The following FHIT variants were observed in gnomAD, a reference collection of about 807,000 sequenced individuals.
FHIT encodes bis(5'-adenosyl)-triphosphatase.
In FHIT, 19 loss-of-function variants were observed where a neutral mutation model predicts 17.9. The observed-to-expected ratio is 1.06, with a 90% CI of 0.74 to 1.56. FHIT has a LOEUF of 1.56. Ranked by LOEUF, FHIT falls within the 40% of genes most tolerant of loss-of-function variation. The pLI is 0.00. For synonymous variants in FHIT, 81 were observed against 69.7 expected, an observed-to-expected ratio of 1.16 and a Z score of -0.81; for missense variants, 248 against 189.2, an observed-to-expected ratio of 1.31 and a Z score of -1.82.
chr3:60,403,593 C>T (rs957100758), intron 5 of FHIT, among the ~76,000 whole-genome samples: 6 of 152,136 alleles, frequency 3.9e-5, no homozygotes, highest in African/African-American at 9.7e-5. Flanking sequence ...TCTGACCTAC[C>T]TTGCTTAATT....
chr3:59,861,135 A>G (rs1008197875), intron 8 of FHIT, among the ~76,000 whole-genome samples: 5 of 152,124 alleles, frequency 3.3e-5, no homozygotes, highest in African/African-American at 1.2e-4. Flanking sequence ...GCACAAGCAC[A>G]TAGAGATGAG....
chr3:59,986,540 T>TATATACACACACAC (rs1473518719), intron 7 of FHIT, among the ~76,000 whole-genome samples: 10 of 12,448 alleles, frequency 8.0e-4, no homozygotes, highest in Middle Eastern at 0.026. Flanking sequence ...TATATATATA[T>TATATACACACACAC]ACACACACAC....
intron 5 of FHIT, among the ~76,000 whole-genome samples, chr3:60,533,416 C>T (rs1460697181): frequency 2.0e-5 from 3 of 152,260 alleles, no homozygotes; most frequent in East Asian, 3.9e-4. Flanking sequence ...GAGCAGGTCT[C>T]GTCCATAGGA....
intron 5 of FHIT, among the ~76,000 whole-genome samples, chr3:60,246,441 G>A (rs980521776): frequency 4.6e-5 from 7 of 152,006 alleles, no homozygotes; most frequent in South Asian, 4.1e-4. Context: ...CTTAACATTC[G>A]TATCAAATGT....
chr3:60,764,506 T>G (rs782590859), intron 4 of FHIT, among the ~76,000 whole-genome samples: 34 of 152,120 alleles, frequency 2.2e-4, no homozygotes, highest in Non-Finnish European at 4.7e-4. Context: ...TATTAAGCAG[T>G]GGCAATGTAA....
intron 5 of FHIT, among the ~76,000 whole-genome samples, chr3:60,020,625 C>T (rs1395170376): frequency 1.4e-4 from 21 of 152,246 alleles, no homozygotes; most frequent in Admixed American, 6.5e-5. Flanking sequence ...TAGTGATAAG[C>T]AAGGAACATT....
intron 4 of FHIT, among the ~76,000 whole-genome samples, chr3:60,733,720 G>A (rs1438721011): frequency 6.6e-6 from 1 of 152,096 alleles, no homozygotes; most frequent in Non-Finnish European, 1.5e-5. Context: ...CCATTGGTGA[G>A]CCCTTTATCT....
At chr3:60,678,033 T>C (rs1345230936) in intron 4 of FHIT, among the ~76,000 whole-genome samples, 1 of 152,164 alleles carries the variant, frequency 6.6e-6, no homozygotes, top group Admixed American at 6.5e-5. Context: ...ATTTCTGACT[T>C]TTATTTGGAT....
chr3:60,475,956 T>C (rs2033323897), intron 5 of FHIT, among the ~76,000 whole-genome samples: 1 of 152,210 alleles, frequency 6.6e-6, no homozygotes, highest in Non-Finnish European at 1.5e-5. Flanking sequence ...TTGTGTATTA[T>C]GTGGGAAATA....
At chr3:60,864,741 A>G (rs78011091) in intron 3 of FHIT, among the ~76,000 whole-genome samples, 3,312 of 152,270 alleles carry the variant, frequency 0.022, 129 homozygotes, top group African/African-American at 0.076. Flanking sequence ...TCAGCAACTC[A>G]CATATCATTT....
chr3:59,894,415 T>A (rs796613774), intron 8 of FHIT, among the ~76,000 whole-genome samples: 27 of 152,306 alleles, frequency 1.8e-4, no homozygotes, highest in African/African-American at 6.3e-4. Flanking sequence ...TCATAAACAT[T>A]AGCATCATAA....
chr3:60,117,494 T>TGAAAAAA (rs1378538733), intron 5 of FHIT, among the ~76,000 whole-genome samples: 2 of 86,802 alleles, frequency 2.3e-5, no homozygotes, highest in Admixed American at 2.6e-4. Context: ...ACTTCCTATC[T>TGAAAAAA]AAAAAAAAAA....
intron 5 of FHIT, among the ~76,000 whole-genome samples, chr3:60,237,231 A>G (rs771215966): frequency 1.3e-5 from 2 of 151,866 alleles, no homozygotes; most frequent in East Asian, 1.9e-4. Context: ...TATCCTTAAA[A>G]ATTGTGAATA....
intron 5 of FHIT, among the ~76,000 whole-genome samples, chr3:60,044,584 T>TC (rs1701574666): frequency 6.7e-6 from 1 of 149,550 alleles, no homozygotes; most frequent in African/African-American, 2.5e-5. Flanking sequence ...ACAACAATGA[T>TC]ATCATGGTAA....
At position 61,067,001 on chromosome 3, in the gene FHIT, G is replaced by T. The variant is rs543108330; in HGVS notation, c.-163-24902C>A. ...TGCCTGTAGTGCTGTTACTTCCCCG[G>T]CTATGCTTGTGCGTGGGCTGGGAAG... On this transcript the variant is annotated intron_variant, in intron 2 of 9. Transcript: ENST00000492590. Among the ~76,000 whole-genome samples, 20 of 152,288 alleles carry T rather than the reference G, an allele frequency of 1.3e-4. No homozygotes were observed. In the South Asian group the frequency reaches 1.9e-3, roughly 14 times the overall value.
At chr3:60,978,332 G>C (rs1012798904) in intron 3 of FHIT, among the ~76,000 whole-genome samples, 1 of 152,136 alleles carries the variant, frequency 6.6e-6, no homozygotes, top group African/African-American at 2.4e-5. Context: ...TGGTGATCTT[G>C]TTAAAATGCC....
rs530669468 is a variant in FHIT at position 59,887,426 on chromosome 3, A to C, written c.348+34920T>G. The stretch of plus-strand genomic sequence containing the variant: ...ATCTTTATTAATATTCTTTAAGCGC[A>C]CAGGTAATGAGAAAGTGCAAATACA... On this transcript the variant is annotated intron_variant, in intron 8 of 9. Transcript: ENST00000492590. Among the ~76,000 whole-genome samples the C allele has an allele frequency of 2.6e-5, 4 of 152,278 alleles. No individual in the cohort carries two copies. In the East Asian group the frequency reaches 7.7e-4, roughly 29 times the overall value.
chr3:61,145,453 G>A (rs561672628), intron 2 of FHIT, among the ~76,000 whole-genome samples: 1 of 152,000 alleles, frequency 6.6e-6, no homozygotes, highest in Non-Finnish European at 1.5e-5. Flanking sequence ...GTAAGTGTGA[G>A]TCTTCAAACT....
chr3:61,083,149 T>A (rs918654215), intron 2 of FHIT, among the ~76,000 whole-genome samples: 9 of 152,256 alleles, frequency 5.9e-5, no homozygotes, highest in African/African-American at 2.2e-4. Flanking sequence ...CATTTTTTGC[T>A]ATTGTTTTAA....
Sources: gnomAD v4.1 joint callset for allele counts (sites outside exome capture counted in the v4.1 genomes callset) on GRCh38, gnomAD v4.1.1 for gene constraint, MANE v1.5 for transcripts, NCBI Gene and HGNC (gene_info 2026-07-23, HGNC 2026-07-21) for gene names.